UST: variants seen among roughly 807,000 people sequenced by gnomAD.
UST encodes the protein uronyl 2-sulfotransferase, also known as chondroitin sulfate 2-O-sulfotransferase.
A neutral mutation model predicts 45.6 loss-of-function variants in UST; 21 were observed. The observed-to-expected ratio is 0.46, with a 90% confidence interval of 0.33 to 0.66. The LOEUF (loss-of-function observed/expected upper bound fraction) is 0.66. UST is among the 30% of genes least tolerant of loss of function. UST has a pLI of 0.02. For synonymous variants in UST, 215 were observed against 200.6 expected, an observed-to-expected ratio of 1.07 and a Z score of -0.61; for missense variants, 463 against 512.4, an observed-to-expected ratio of 0.90 and a Z score of 0.93.
intron 1 of UST, among the ~76,000 whole-genome samples, chr6:148,842,849 A>G (rs1427609271): frequency 3.9e-5 from 6 of 152,312 alleles, no homozygotes; most frequent in Admixed American, 3.9e-4. Flanking sequence ...CCTAGTGAGT[A>G]GTACTTAGTG....
intron 1 of UST, among the ~76,000 whole-genome samples, chr6:148,801,092 T>C (rs539368294): frequency 6.6e-6 from 1 of 152,314 alleles, no homozygotes; most frequent in African/African-American, 2.4e-5. Context: ...TGAAGCTGCC[T>C]CATCAGCTTA....
intron 2 of UST, among the ~76,000 whole-genome samples, chr6:148,925,049 CT>C (rs1256277112): frequency 2.0e-5 from 3 of 152,174 alleles, no homozygotes; most frequent in Admixed American, 1.3e-4. Context: ...AGAGCTTTCA[CT>C]GACGTTTGAT....
At chr6:148,814,970 G>A (rs1312532329) in intron 1 of UST, among the ~76,000 whole-genome samples, 1 of 152,128 alleles carries the variant, frequency 6.6e-6, no homozygotes, top group Non-Finnish European at 1.5e-5. Flanking sequence ...GTGCATATGT[G>A]AATGATAGGA....
At chr6:148,874,371 C>G (rs1252279753) in intron 1 of UST, among the ~76,000 whole-genome samples, 1 of 152,140 alleles carries the variant, frequency 6.6e-6, no homozygotes. Flanking sequence ...TGTTATAAAA[C>G]AAGGCAGTGT....
chr6:148,809,345 T>TTTTCTTGCTGCCACCTCTTTCTCCC (rs1777211002), intron 1 of UST, among the ~76,000 whole-genome samples: 1 of 151,948 alleles, frequency 6.6e-6, no homozygotes, highest in South Asian at 2.1e-4. Flanking sequence ...TCTCACCTGC[T>TTTTCTTGCTGCCACCTCTTTCTCCC]TTTCTTGCTG....
At chr6:148,777,174 G>A (rs1198328208) in intron 1 of UST, among the ~76,000 whole-genome samples, 5 of 152,080 alleles carry the variant, frequency 3.3e-5, no homozygotes, top group Non-Finnish European at 7.4e-5. Context: ...ACTTAAAACC[G>A]ACTGCTCTTA....
At chr6:148,879,948 T>TTTTTC (rs1778792179) in intron 1 of UST, among the ~76,000 whole-genome samples, 1 of 129,710 alleles carries the variant, frequency 7.7e-6, no homozygotes, top group Admixed American at 7.5e-5. Context: ...TTTCTTTTTT[T>TTTTTC]TTTCTTTTTT....
In UST at chr6:149,076,555, C is replaced by A. The variant is rs1263924828; in HGVS notation, c.*2439C>A. The A allele has an allele frequency of 6.6e-6, 1 of 152,638 alleles. No homozygotes were observed. Among genetic ancestry groups the A allele is most frequent in the Admixed American group, 6.5e-5 (1 of 15,288 alleles). 9.5% of individuals were successfully genotyped at this position (152,638 alleles called of 1,614,324 possible). On this transcript the variant is annotated 3_prime_UTR_variant, in exon 8 of 8. Coordinates refer to ENST00000367463, the MANE Select transcript of UST (RefSeq NM_005715.3). ...ATGTTATTTTGTCCCAGCCAACACC[C>A]TCTAGGTCCTAAAAGTCAAGGTACT...
At chr6:148,981,056 C>T (rs1276203401) in intron 5 of UST, among the ~76,000 whole-genome samples, 7 of 152,114 alleles carry the variant, frequency 4.6e-5, no homozygotes, top group Non-Finnish European at 8.8e-5. Flanking sequence ...TTTCTCTCCA[C>T]CTCCTATCCA....
chr6:148,763,502 C>T (rs1776260271), intron 1 of UST, among the ~76,000 whole-genome samples: 1 of 152,110 alleles, frequency 6.6e-6, no homozygotes, highest in African/African-American at 2.4e-5. Context: ...TACAGAAGCT[C>T]TTTAGTTTAA....
intron 7 of UST, among the ~76,000 whole-genome samples, chr6:149,022,344 A>G (rs1480016904): frequency 6.6e-6 from 1 of 152,202 alleles, no homozygotes; most frequent in Non-Finnish European, 1.5e-5. Context: ...TCATGCCTAT[A>G]ATCCCAGCAT....
At chr6:149,004,897 G>A (rs1241688050) in intron 5 of UST, among the ~76,000 whole-genome samples, 1 of 152,016 alleles carries the variant, frequency 6.6e-6, no homozygotes, top group Non-Finnish European at 1.5e-5. Context: ...GCAGTGGTGC[G>A]ATCACAGCTC....
At chr6:148,920,511 C>A (rs1209768329) in intron 2 of UST, among the ~76,000 whole-genome samples, 1 of 152,108 alleles carries the variant, frequency 6.6e-6, no homozygotes, top group Non-Finnish European at 1.5e-5. Context: ...CCTGCCCACC[C>A]TCGAGAGGTT....
chr6:148,825,008 C>G (rs1036525426), intron 1 of UST, among the ~76,000 whole-genome samples: 3 of 151,626 alleles, frequency 2.0e-5, no homozygotes, highest in African/African-American at 7.3e-5. Context: ...AGGACATGAA[C>G]TCATCATTTT....
chr6:149,004,163 A>G (rs1402184632), intron 5 of UST, among the ~76,000 whole-genome samples: 1 of 152,226 alleles, frequency 6.6e-6, no homozygotes, highest in Admixed American at 6.5e-5. Flanking sequence ...ATGCTATTGT[A>G]CACACGAAAA....
chr6:148,838,550 G>C (rs1373334320), intron 1 of UST, among the ~76,000 whole-genome samples: 1 of 152,090 alleles, frequency 6.6e-6, no homozygotes, highest in Non-Finnish European at 1.5e-5. Context: ...TGCTGTTGCT[G>C]CTGGTCCATA....
intron 1 of UST, among the ~76,000 whole-genome samples, chr6:148,877,513 G>A (rs1778698954): frequency 1.0e-5 from 1 of 99,940 alleles, no homozygotes; most frequent in Non-Finnish European, 2.0e-5. Flanking sequence ...TGGGTGGGGG[G>A]GTTGTGTGTG....
chr6:149,074,740 A>AT lies in UST; in HGVS notation c.*636dup, dbSNP rs767746967. The AT allele has an allele frequency of 2.5e-3, 365 of 147,792 alleles. 4 individuals carry two copies. Among genetic ancestry groups the AT allele is most frequent in the East Asian group, 0.018 (91 of 5,078 alleles). 9.2% of individuals were successfully genotyped at this position (147,792 alleles called of 1,614,324 possible). ...ACAGAGTGAGACTCTGTCTCAATTA[A>AT]TTTTTTTTTTTTAAAGGAGGAGGAT... is the stretch of plus-strand genomic sequence containing the variant. On this transcript the variant is annotated 3_prime_UTR_variant, in exon 8 of 8. Transcript: ENST00000367463.
intron 1 of UST, among the ~76,000 whole-genome samples, chr6:148,805,925 T>G (rs1289123825): frequency 1.3e-5 from 2 of 152,228 alleles, no homozygotes; most frequent in Non-Finnish European, 2.9e-5. Context: ...CTACCTTAGG[T>G]GCTCTTAAGC....
Sources: allele counts gnomAD v4.1 joint callset (sites outside exome capture counted in the v4.1 genomes callset), GRCh38; gene constraint gnomAD v4.1.1; transcripts MANE v1.5; gene names NCBI Gene and HGNC (gene_info 2026-07-23, HGNC 2026-07-21).